CEP72: variants seen among roughly 807,000 people sequenced by gnomAD.
CEP72 encodes centrosomal protein 72.
CEP72 carries 78 observed loss-of-function variants against 65.7 expected under a neutral mutation model. The observed-to-expected ratio is 1.19, with a 90% CI of 0.99 to 1.43. The LOEUF (loss-of-function observed/expected upper bound fraction) is 1.43, where lower values mean the gene tolerates loss of function less well. Ranked by LOEUF, CEP72 falls within the 40% of genes most tolerant of loss-of-function variation. CEP72 has a pLI of 0.00. For synonymous variants in CEP72, 358 were observed against 351.7 expected (o/e 1.02, Z -0.20); for missense variants, 914 against 832.9 (o/e 1.10, Z -1.20).
chr5:642,694 C>G (rs1738138281), intron 9 of CEP72: 1 of 985,326 alleles, frequency 1.0e-6, no homozygotes, highest in African/African-American at 1.7e-5. Flanking sequence ...GCCCTGGTTC[C>G]CTGTCAGGGT....
intron 2 of CEP72, 37 bp downstream of exon 2, chr5:619,154 T>G (rs1736208740): frequency 6.3e-7 from 1 of 1,593,376 alleles, no homozygotes; most frequent in African/African-American, 1.3e-5. Flanking sequence ...TTTATTGCTA[T>G]CAACATCAGT....
chr5:671,379 G>T (rs78541804), downstream of CEP72, among the ~76,000 whole-genome samples: 21,914 of 152,140 alleles, frequency 0.14, 2,834 homozygotes, highest in African/African-American at 0.35. Context: ...TTCTCTAGGG[G>T]GCCCCAGGGG....
intron 4 of CEP72, chr5:666,186 G>C: frequency 6.4e-7 from 1 of 1,574,680 alleles, no homozygotes; most frequent in Non-Finnish European, 8.6e-7. Flanking sequence ...CTCCCCACGC[G>C]TGGGTCTGAG....
intron 9 of CEP72, chr5:641,015 C>A: frequency 1.0e-6 from 1 of 985,426 alleles, no homozygotes; most frequent in Non-Finnish European, 1.2e-6. Flanking sequence ...GGCTACAGGG[C>A]AAGTTACCCC....
chr5:666,422 C>T (rs897264648), intron 4 of CEP72, among the ~76,000 whole-genome samples: 5 of 152,252 alleles, frequency 3.3e-5, no homozygotes, highest in African/African-American at 1.2e-4. Context: ...AGCCCACCTC[C>T]TCCTCCCGGG....
At chr5:637,466 T>A (rs1385560228) in intron 6 of CEP72, 51 bp from the exon 7 acceptor site, 1 of 1,536,850 alleles carries the variant, frequency 6.5e-7, no homozygotes, top group African/African-American at 1.4e-5. Flanking sequence ...TGCTGAACAC[T>A]GCACCCAGAG....
rs751266368 is a variant in CEP72, at chr5:637,674, G to C, written c.1062G>C (p.Pro354=). Residue 354 remains proline (P), a synonymous_variant, in exon 7 of 12, where the codon CCG becomes CCC. Transcript: ENST00000264935. The part of the protein sequence containing the change: ...TFSDQEGLGC[P]ERTHGSSVPK... ...CGGACCAGGAGGGTTTGGGCTGCCC[G>C]GAGAGAACTCATGGGTCCTCCGTGC... 1 of 1,613,920 alleles carries C rather than the reference G, an allele frequency of 6.2e-7. No individual in the cohort carries two copies. Among genetic ancestry groups the C allele is most frequent in the Non-Finnish European group, 8.5e-7 (1 of 1,180,036 alleles).
At chr5:671,060 C>T (rs1035442367), downstream of CEP72, among the ~76,000 whole-genome samples, 2 of 152,168 alleles carry the variant, frequency 1.3e-5, no homozygotes, top group African/African-American at 4.8e-5. Context: ...TAACCCCAGG[C>T]ACACCCACCA....
chr5:633,911 C>T lies in CEP72; in HGVS notation c.655C>T (p.Gln219Ter), dbSNP rs1737404163. 1 of 1,613,042 alleles carries T rather than the reference C, an allele frequency of 6.2e-7. No individual in the cohort carries two copies. Among genetic ancestry groups the T allele is most frequent in the South Asian group, 1.1e-5 (1 of 91,086 alleles). Residue 219 changes from glutamine to a stop codon, truncating the protein, a stop_gained, in exon 5 of 12, where the codon CAG becomes TAG. Transcript: ENST00000264935. LOFTEE classifies it high-confidence loss of function. ...GCCTCCCGGGAGCACGAGCTTCAGC[C>T]AGAAGGGGCGTGAGGCCGACTCTCG... ...GRPPGSTSFS[Q>*]KGREADSRGS... is the part of the protein sequence containing the mutation.
At chr5:636,862 G>A (rs1382177644) in intron 6 of CEP72, among the ~76,000 whole-genome samples, 1 of 151,558 alleles carries the variant, frequency 6.6e-6, no homozygotes, top group Non-Finnish European at 1.5e-5. Context: ...TGACCCTGGC[G>A]CCTCCTGGAA....
At position 620,100 on chromosome 5, in the gene CEP72, T is replaced by C; in HGVS notation, c.242T>C (p.Leu81Pro). The C allele has an allele frequency of 6.2e-7, 1 of 1,613,586 alleles. No homozygotes were observed. Among genetic ancestry groups the C allele is most frequent in the Non-Finnish European group, 8.5e-7 (1 of 1,179,452 alleles). ...CAGTACCTGACTGCATTGGAGAGTC[T>C]CAATCTCTACTACAACTGCATCTCC... ...GIQYLTALES[L>P]NLYYNCISSL... is the part of the protein sequence containing the mutation. The change falls in exon 3 of 12, where the codon CTC becomes CCC. Residue 81 changes from leucine to proline, a missense_variant. Transcript: ENST00000264935.
At chr5:661,699 G>A (rs540736774), downstream of CEP72, 1 of 152,512 alleles carries the variant, frequency 6.6e-6, no homozygotes, top group South Asian at 2.1e-4. Flanking sequence ...GTTCGGAGGC[G>A]GCACACAGAT....
downstream of CEP72, among the ~76,000 whole-genome samples, chr5:670,470 G>A (rs538840578): frequency 2.3e-4 from 35 of 152,106 alleles, no homozygotes; most frequent in African/African-American, 5.3e-4. Context: ...GAGGGGCTGC[G>A]GCTCCCCCAG....
chr5:643,924 C>G lies in CEP72; in HGVS notation c.1540-375C>G, dbSNP rs144996526. On this transcript the variant is annotated intron_variant, in intron 9 of 11. Transcript: ENST00000264935. ...CACACTGGCACCAAGGCCTGGGGCT[C>G]GCAGTGTCCGTGAGGGCGTCCTGGA... is the stretch of plus-strand genomic sequence containing the variant. 6.4e-4 allele frequency among the ~76,000 whole-genome samples: 98 copies of G among 152,364 alleles called. 1 individual carries two copies. The East Asian group carries it at 0.015, about 24-fold the overall frequency.
At chr5:613,050 A>G (rs761904988) in intron 1 of CEP72, among the ~76,000 whole-genome samples, 7 of 152,228 alleles carry the variant, frequency 4.6e-5, no homozygotes, top group Non-Finnish European at 1.0e-4. Flanking sequence ...TAAATGACAA[A>G]TTCTGTATCT....
Position 616,834 on chromosome 5 carries a change from G to GCA in CEP72, c.83-2155_83-2154insAC, listed in dbSNP as rs1314563847. ...TGTGTGTATGTGTGTGTGTGTGTGC[G>GCA]CGCGAGTGGGGGTTTGCTTGCAGGA... On this transcript the variant is annotated intron_variant, in intron 1 of 11. Transcript: ENST00000264935. 8.6e-5 allele frequency among the ~76,000 whole-genome samples: 13 copies of GCA among 150,364 alleles called. No homozygotes were observed. The South Asian group carries it at 1.7e-3, about 19-fold the overall frequency.
intron 11 of CEP72, among the ~76,000 whole-genome samples, chr5:648,833 A>G: frequency 1.0e-5 from 1 of 98,402 alleles, no homozygotes; most frequent in Non-Finnish European, 2.0e-5. Flanking sequence ...GTGAGGTGTG[A>G]CTGTGAGGTG....
chr5:616,940 GTGT>G (rs536850162), intron 1 of CEP72, among the ~76,000 whole-genome samples: 157 of 151,964 alleles, frequency 1.0e-3, no homozygotes, highest in African/African-American at 3.0e-3. Context: ...GTGTGTGTAT[GTGT>G]TGTTGTGTGT....
rs529523544 is a variant in CEP72 at position 665,129 on chromosome 5, G to A, written n.288-51G>A. ...ACTTGCCCCCTTGCACCTTCTGGTC[G>A]TAGGTGCCTGCGTGCTTGTAGCCGG... On this transcript the variant is annotated intron_variant and non_coding_transcript_variant, in intron 2 of 4. Coordinates refer to the CEP72 transcript ENST00000514507. 7.3e-5 allele frequency: 118 copies of A among 1,612,282 alleles called. No homozygotes were observed. In the East Asian group the frequency reaches 8.7e-4, roughly 12 times the overall value.
Sources: allele counts gnomAD v4.1 joint callset (sites outside exome capture counted in the v4.1 genomes callset), GRCh38; gene constraint gnomAD v4.1.1; transcripts MANE v1.5; gene names NCBI Gene and HGNC (gene_info 2026-07-23, HGNC 2026-07-21).